DPY19L2: variants seen among roughly 807,000 people sequenced by gnomAD.
DPY19L2 encodes the protein probable C-mannosyltransferase DPY19L2.
In DPY19L2, 34 loss-of-function variants were observed where a neutral mutation model predicts 97.9. The observed-to-expected ratio is 0.35, with a 90% CI of 0.26 to 0.46. The LOEUF is 0.46. Ranked by LOEUF, DPY19L2 falls within the 20% of genes least tolerant of loss-of-function variation. The pLI, the probability that DPY19L2 is intolerant of heterozygous loss-of-function variation, is 1.00. For missense variants in DPY19L2, 623 were observed against 911.4 expected, an observed-to-expected ratio of 0.68 and a Z score of 4.07; for synonymous variants, 230 against 307.9, an observed-to-expected ratio of 0.75 and a Z score of 2.65.
intron 2 of DPY19L2, 27 bp from the exon 3 acceptor site, chr12:63,663,872 CAAT>C (rs1895996871): frequency 2.0e-6 from 3 of 1,489,060 alleles, no homozygotes; most frequent in Non-Finnish European, 2.8e-6. Flanking sequence ...TATCATATTA[CAAT>C]AAGAACGAGT....
At chr12:63,612,581 C>A (rs1887187007) in intron 11 of DPY19L2, among the ~76,000 whole-genome samples, 4 of 135,292 alleles carry the variant, frequency 3.0e-5, no homozygotes, top group African/African-American at 2.8e-5. Flanking sequence ...GGTCTCAAGT[C>A]AATGACCTTG....
chr12:63,668,508 T>C (rs1326869412), upstream of DPY19L2: 3 of 1,108,334 alleles, frequency 2.7e-6, no homozygotes, highest in Non-Finnish European at 3.7e-6. Context: ...CCCGCAGCCG[T>C]TGCGGACCTC....
chr12:63,652,183 A>G (rs1389353550), intron 4 of DPY19L2, among the ~76,000 whole-genome samples: 1 of 152,208 alleles, frequency 6.6e-6, no homozygotes, highest in Non-Finnish European at 1.5e-5. Flanking sequence ...CATATGAAAA[A>G]GTGTTCAACA....
chr12:63,568,710 G>C (rs910936626), intron 21 of DPY19L2, among the ~76,000 whole-genome samples: 1 of 151,828 alleles, frequency 6.6e-6, no homozygotes. Context: ...CTGTGCTTAG[G>C]AGCCTAAACA....
intron 4 of DPY19L2, among the ~76,000 whole-genome samples, chr12:63,650,367 G>A (rs1451094774): frequency 2.0e-5 from 3 of 152,022 alleles, no homozygotes; most frequent in Non-Finnish European, 4.4e-5. Context: ...ATAGGAAGAC[G>A]GGAATTCACA....
chr12:63,584,363 G>A (rs1881429762), intron 16 of DPY19L2, among the ~76,000 whole-genome samples: 1 of 152,064 alleles, frequency 6.6e-6, no homozygotes, highest in South Asian at 2.1e-4. Flanking sequence ...AATATTTATA[G>A]TACACCTACT....
chr12:63,609,818 G>A (rs113732338), intron 11 of DPY19L2, among the ~76,000 whole-genome samples: 4,960 of 152,208 alleles, frequency 0.033, 122 homozygotes, highest in Non-Finnish European at 0.047. Context: ...TCGGACTTGC[G>A]TATTATTTAG....
In DPY19L2 at chr12:63,559,282, G is replaced by A. The variant is rs939000932; in HGVS notation, c.*1230C>T. On this transcript the variant is annotated 3_prime_UTR_variant, in exon 22 of 22. Coordinates refer to ENST00000324472, the MANE Select transcript of DPY19L2 (RefSeq NM_173812.5). Reference sequence around the variant, plus strand: ...GCATATAGCTGCCTGTCTACTATAAGAGAACTAATCCATAAAATTAAGGCA... The same window carrying A: ...GCATATAGCTGCCTGTCTACTATAAAAGAACTAATCCATAAAATTAAGGCA... The A allele has an allele frequency of 2.0e-5, 3 of 152,156 alleles. No homozygotes were observed. The highest frequency in any genetic ancestry group is 4.4e-5 in the Non-Finnish European group (3 of 68,018). The allele number at this position is 152,156 out of a possible 1,614,324, so 9.4% of individuals were successfully genotyped here. A position where few individuals can be genotyped will look rare whatever the true frequency, so the allele number is the denominator to read the frequency against.
intron 11 of DPY19L2, among the ~76,000 whole-genome samples, chr12:63,612,958 A>C (rs890396936): frequency 8.5e-5 from 13 of 152,124 alleles, no homozygotes; most frequent in Non-Finnish European, 1.5e-4. Context: ...AGTTCACTCA[A>C]GAGGAAATGG....
intron 13 of DPY19L2, among the ~76,000 whole-genome samples, chr12:63,599,302 G>A (rs1273303240): frequency 6.6e-6 from 1 of 151,516 alleles, no homozygotes; most frequent in Non-Finnish European, 1.5e-5. Context: ...CCTAAATAAA[G>A]TTTATCATAA....
intron 12 of DPY19L2, among the ~76,000 whole-genome samples, chr12:63,605,039 G>A (rs1885809291): frequency 6.6e-6 from 1 of 152,056 alleles, no homozygotes; most frequent in African/African-American, 2.4e-5. Flanking sequence ...GTTTGCTATA[G>A]TTACAATGAC....
chr12:63,603,980 C>T (rs563104000), intron 12 of DPY19L2, among the ~76,000 whole-genome samples: 1 of 152,282 alleles, frequency 6.6e-6, no homozygotes, highest in Admixed American at 6.5e-5. Flanking sequence ...AATAAAACCA[C>T]GTATCTACAA....
intron 12 of DPY19L2, among the ~76,000 whole-genome samples, chr12:63,600,794 T>G (rs1486892530): frequency 8.0e-6 from 1 of 124,346 alleles, no homozygotes; most frequent in African/African-American, 3.4e-5. Context: ...GAAGTTTTTT[T>G]TTTTTTTTTG....
In DPY19L2 at chr12:63,644,642, A is replaced by G. The variant is rs1483845051; in HGVS notation, c.710-146T>C. Reference sequence around the variant, plus strand: ...AGATTGCTGCTGTGTTTAATTATTTACCCTTATAAGAGTTTGTGTGTGTGT... The same window carrying G: ...AGATTGCTGCTGTGTTTAATTATTTGCCCTTATAAGAGTTTGTGTGTGTGT... On this transcript the variant is annotated intron_variant, in intron 5 of 21. Transcript: ENST00000324472. 2.3e-6 allele frequency: 3 copies of G among 1,304,198 alleles called. No individual in the cohort carries two copies. In the African/African-American group the frequency reaches 4.5e-5, roughly 19 times the overall value. The allele number at this position is 1,304,198 out of a possible 1,614,324, so 80.8% of individuals were successfully genotyped here.
intron 6 of DPY19L2, among the ~76,000 whole-genome samples, chr12:63,631,910 A>C (rs1184493310): frequency 6.6e-6 from 1 of 152,168 alleles, no homozygotes; most frequent in Non-Finnish European, 1.5e-5. Context: ...CTAGTTCAAC[A>C]TACGCAAATC....
rs576418491 is a variant in DPY19L2 at position 63,605,853 on chromosome 12, C to T, written c.1278+2763G>A. ...CCCAGCATCATTTAGTGACATGTGA[C>T]CTTTAAGACAATCTTGCTGAAATTG... On this transcript the variant is annotated intron_variant, in intron 12 of 21. Transcript: ENST00000324472. 3.3e-5 allele frequency among the ~76,000 whole-genome samples: 5 copies of T among 152,270 alleles called. No individual in the cohort carries two copies. The South Asian group carries it at 1.0e-3, about 32-fold the overall frequency.
intron 19 of DPY19L2, among the ~76,000 whole-genome samples, chr12:63,577,582 C>CA (rs1880083768): frequency 6.7e-6 from 1 of 149,742 alleles, no homozygotes; most frequent in African/African-American, 2.5e-5. Flanking sequence ...GCTCAAACAA[C>CA]AAATCTAAAA....
intron 7 of DPY19L2, among the ~76,000 whole-genome samples, chr12:63,624,910 T>C (rs535491760): frequency 8.5e-5 from 13 of 152,258 alleles, no homozygotes; most frequent in African/African-American, 2.6e-4. Flanking sequence ...ATGATACATA[T>C]AAGAAAGTCA....
At chr12:63,578,985 A>G (rs1880385510) in intron 19 of DPY19L2, among the ~76,000 whole-genome samples, 1 of 152,038 alleles carries the variant, frequency 6.6e-6, no homozygotes, top group Admixed American at 6.6e-5. Flanking sequence ...GAAGAATTGA[A>G]AGCCCAGGGC....
Sources: gnomAD v4.1 joint callset for allele counts (sites outside exome capture counted in the v4.1 genomes callset) on GRCh38, gnomAD v4.1.1 for gene constraint, MANE v1.5 for transcripts, NCBI Gene and HGNC (gene_info 2026-07-23, HGNC 2026-07-21) for gene names.